Variants in SIRPA observed in about 807,000 individuals in gnomAD.
The protein encoded by SIRPA is tyrosine-protein phosphatase non-receptor type substrate 1.
SIRPA carries 9 observed loss-of-function variants against 50.3 expected under a neutral mutation model. That is an observed-to-expected ratio of 0.18 (90% CI 0.11 to 0.31). SIRPA has a LOEUF of 0.31. Among genes scored for constraint, SIRPA ranks in the 10% least tolerant of loss-of-function variants. The pLI is 1.00. For missense variants in SIRPA, 474 were observed against 661.6 expected, an observed-to-expected ratio of 0.72 and a Z score of 3.11; for synonymous variants, 265 against 284.1, an observed-to-expected ratio of 0.93 and a Z score of 0.68.
chr20:1,899,483 C>A (rs912932473), intron 1 of SIRPA, among the ~76,000 whole-genome samples: 1 of 152,192 alleles, frequency 6.6e-6, no homozygotes, highest in Non-Finnish European at 1.5e-5. Context: ...TTGTAGTATG[C>A]CCGTTAGCAT....
intron 1 of SIRPA, among the ~76,000 whole-genome samples, chr20:1,909,906 C>T (rs780479179): frequency 9.2e-5 from 14 of 152,210 alleles, no homozygotes; most frequent in Non-Finnish European, 5.9e-5. Context: ...TTTCTAAATC[C>T]CAGTGGTCAG....
chr20:1,895,548 A>G lies in SIRPA; in HGVS notation c.79+22A>G, dbSNP rs781759027. On this transcript the variant is annotated intron_variant, in intron 1 of 7. Transcript: ENST00000358771. ...TCAGGTAAGCACCCCCCCGCTCCCC[A>G]CCGCTGCACTCCCCAAACTGCGGGC... 6.3e-6 allele frequency: 9 copies of G among 1,417,914 alleles called. No individual in the cohort carries two copies. The South Asian group carries it at 1.2e-4, about 19-fold the overall frequency. The allele number at this position is 1,417,914 out of a possible 1,614,324, so 87.8% of individuals were successfully genotyped here.
At chr20:1,926,079 T>G (rs925356491) in intron 5 of SIRPA, among the ~76,000 whole-genome samples, 1 of 152,234 alleles carries the variant, frequency 6.6e-6, no homozygotes, top group African/African-American at 2.4e-5. Context: ...CATTGTACAC[T>G]AATCACGCAT....
At chr20:1,895,770 G>A (rs1286718145) in intron 1 of SIRPA, among the ~76,000 whole-genome samples, 1 of 152,226 alleles carries the variant, frequency 6.6e-6, no homozygotes, top group Non-Finnish European at 1.5e-5. Context: ...CTGACTCTGT[G>A]CACTGTGCTG....
In SIRPA at chr20:1,928,590, T is replaced by C. The variant is rs751510840; in HGVS notation, c.1226+691T>C. 1.3e-5 allele frequency among the ~76,000 whole-genome samples: 2 copies of C among 152,090 alleles called. No individual in the cohort carries two copies. Among genetic ancestry groups the C allele is most frequent in the Non-Finnish European group, 2.9e-5 (2 of 68,014 alleles). On this transcript the variant is annotated intron_variant, in intron 6 of 7. Transcript: ENST00000358771. The surrounding 1 kb of genome is among the most constrained non-coding windows in gnomAD (Gnocchi z 4.9). ...AAATAAAGTGATTCATGGTGTCATATCAGGTGGTGACAACTCCTACCCTGC... is the reference window on the plus strand; with the variant it reads ...AAATAAAGTGATTCATGGTGTCATACCAGGTGGTGACAACTCCTACCCTGC...
chr20:1,896,797 A>T (rs1378788125), intron 1 of SIRPA, among the ~76,000 whole-genome samples: 1 of 14,464 alleles, frequency 6.9e-5, no homozygotes, highest in South Asian at 2.7e-3. Context: ...CTCCACCCCC[A>T]GTTCTTTTCA....
At position 1,939,720 on chromosome 20, in the gene SIRPA, G is replaced by A. The variant is rs1568519910; in HGVS notation, c.*2152G>A. ...AACCTGGAGAATCCACATACCTTGT[G>A]TATTGAACCCCAGGAAAAGGAAGAG... is the stretch of plus-strand genomic sequence containing the variant. On this transcript the variant is annotated 3_prime_UTR_variant, in exon 8 of 8. Coordinates refer to ENST00000358771, the MANE Select transcript of SIRPA (RefSeq NM_001040023.2). This position sits in a 1 kb window ranked among gnomAD's most constrained non-coding sequence, Gnocchi z 4.7. 6.6e-6 allele frequency: 1 copy of A among 152,644 alleles called. No homozygotes were observed. The highest frequency in any genetic ancestry group is 6.5e-5 in the Admixed American group (1 of 15,290). 9.5% of individuals were successfully genotyped at this position (152,644 alleles called of 1,614,324 possible). A position where few individuals can be genotyped will look rare whatever the true frequency, so the allele number is the denominator to read the frequency against.
chr20:1,923,000 CCCCTGCCTCATCT>C (rs1414128811), intron 4 of SIRPA, among the ~76,000 whole-genome samples: 2 of 138,846 alleles, frequency 1.4e-5, no homozygotes, highest in African/African-American at 5.4e-5. Flanking sequence ...CTCTTTCTAG[CCCCTGCCTCATCT>C]CCCTGGCTGC....
At chr20:1,911,622 C>A (rs933674210) in intron 1 of SIRPA, among the ~76,000 whole-genome samples, 2 of 152,166 alleles carry the variant, frequency 1.3e-5, no homozygotes, top group Non-Finnish European at 2.9e-5. Context: ...AAACCTACTC[C>A]ATATCTGGGG....
intron 5 of SIRPA, among the ~76,000 whole-genome samples, chr20:1,926,942 C>G (rs972304386): frequency 6.6e-6 from 1 of 152,214 alleles, no homozygotes; most frequent in African/African-American, 2.4e-5. Flanking sequence ...GAGGAGTCAC[C>G]TAGTCTCTCT....
Position 1,934,880 on chromosome 20 carries a change from C to A in SIRPA, c.1266+126C>A. 9.8e-7 allele frequency: 1 copy of A among 1,022,594 alleles called. No individual in the cohort carries two copies. The highest frequency in any genetic ancestry group is 1.9e-5 in the Admixed American group (1 of 53,070). The allele number at this position is 1,022,594 out of a possible 1,614,324, so 63.3% of individuals were successfully genotyped here. A position where few individuals can be genotyped will look rare whatever the true frequency, so the allele number is the denominator to read the frequency against. On this transcript the variant is annotated intron_variant, in intron 7 of 7. Transcript: ENST00000358771. This position sits in a 1 kb window ranked among gnomAD's most constrained non-coding sequence, Gnocchi z 4.6. ...GGGGTGGAGGGTGGAGGATCTTACA[C>A]TCCTAGCTTTCCCCATGTCCTGTGC... is the stretch of plus-strand genomic sequence containing the variant.
chr20:1,899,486 G>A (rs776067724), intron 1 of SIRPA, among the ~76,000 whole-genome samples: 8 of 152,170 alleles, frequency 5.3e-5, no homozygotes, highest in Non-Finnish European at 8.8e-5. Context: ...TAGTATGCCC[G>A]TTAGCATGTG....
In SIRPA at chr20:1,928,632, A is replaced by C. The variant is rs1197728019; in HGVS notation, c.1226+733A>C. Among the ~76,000 whole-genome samples, 1 of 152,138 alleles carries C rather than the reference A, an allele frequency of 6.6e-6. No individual in the cohort carries two copies. Among genetic ancestry groups the C allele is most frequent in the Non-Finnish European group, 1.5e-5 (1 of 68,010 alleles). Reference sequence around the variant, plus strand: ...CTACCCTGCAAGGAGATGGAGGTGAATGGTGGGGGGCTGTCTTAGGCAGAG... The same window carrying C: ...CTACCCTGCAAGGAGATGGAGGTGACTGGTGGGGGGCTGTCTTAGGCAGAG... On this transcript the variant is annotated intron_variant, in intron 6 of 7. Transcript: ENST00000358771. The surrounding 1 kb of genome is among the most constrained non-coding windows in gnomAD (Gnocchi z 4.9).
intron 2 of SIRPA, among the ~76,000 whole-genome samples, chr20:1,916,169 T>C (rs1166886544): frequency 6.6e-6 from 1 of 151,858 alleles, no homozygotes; most frequent in Non-Finnish European, 1.5e-5. Context: ...AGGGAGGAGG[T>C]CTCCCTTCTA....
intron 2 of SIRPA, among the ~76,000 whole-genome samples, chr20:1,916,969 T>G (rs1985342033): frequency 1.3e-5 from 2 of 152,328 alleles, no homozygotes; most frequent in Non-Finnish European, 1.5e-5. Flanking sequence ...TTATCCTGAT[T>G]GTGCAGATGT....
Position 1,937,491 on chromosome 20 carries a change from C to T in SIRPA, c.1438C>T (p.Arg480Trp), listed in dbSNP as rs1425717852. The T allele has an allele frequency of 2.0e-5, 32 of 1,614,010 alleles. No homozygotes were observed. The highest frequency in any genetic ancestry group is 6.7e-5 in the Admixed American group (4 of 60,000). The change falls in exon 8 of 8, where the codon CGG becomes TGG. Residue 480 changes from arginine to tryptophan, a missense_variant. Around this residue, in one of 4 missense-constraint regions of SIRPA, gnomAD observed 180 missense variants for 206.7 expected, o/e 0.87. Transcript: ENST00000358771. This position sits in a 1 kb window ranked among gnomAD's most constrained non-coding sequence, Gnocchi z 8.3. ...TGACCTGGACATGGTCCACCTCAAC[C>T]GGACCCCCAAGCAGCCGGCCCCCAA... ...YADLDMVHLN[R>W]TPKQPAPKPE...
In SIRPA at chr20:1,915,103, G is replaced by A; in HGVS notation, c.84G>A (p.Val28=). The A allele has an allele frequency of 1.9e-6, 3 of 1,592,414 alleles. No homozygotes were observed. Among genetic ancestry groups the A allele is most frequent in the South Asian group, 1.1e-5 (1 of 87,424 alleles). Residue 28 remains valine, a synonymous_variant, in exon 2 of 8, where the codon GTG becomes GTA. Coordinates refer to ENST00000358771, the MANE Select transcript of SIRPA (RefSeq NM_001040023.2). ...CTGCTTTGTGCTCCTTTCCAGGAGTGGCGGGTGAGGAGGAGCTGCAGGTGA... is the reference window on the plus strand; with the variant it reads ...CTGCTTTGTGCTCCTTTCCAGGAGTAGCGGGTGAGGAGGAGCTGCAGGTGA... ...LLAASCAWSG[V]AGEEELQVIQ...
At chr20:1,906,864 T>C (rs1000626073) in intron 1 of SIRPA, among the ~76,000 whole-genome samples, 2 of 152,082 alleles carry the variant, frequency 1.3e-5, no homozygotes, top group Non-Finnish European at 2.9e-5. Flanking sequence ...TACTAACAGA[T>C]GGGTTGTGGA....
chr20:1,938,457 A>G lies in SIRPA; in HGVS notation c.*889A>G, dbSNP rs1986720901. 2 of 152,686 alleles carry G rather than the reference A, an allele frequency of 1.3e-5. No individual in the cohort carries two copies. The highest frequency in any genetic ancestry group is 2.4e-5 in the African/African-American group (1 of 41,450). The allele number at this position is 152,686 out of a possible 1,614,324, so 9.5% of individuals were successfully genotyped here. ...TGTTTTTTTTCTTAAAACAACAGCA[A>G]CGTGATCTTGGCTGTCTGTCATGTG... On this transcript the variant is annotated 3_prime_UTR_variant, in exon 8 of 8. Coordinates refer to ENST00000358771, the MANE Select transcript of SIRPA (RefSeq NM_001040023.2).
Sources: allele counts gnomAD v4.1 joint callset (sites outside exome capture counted in the v4.1 genomes callset), GRCh38; gene constraint gnomAD v4.1.1; regional missense constraint gnomAD v4.1.1; non-coding constraint Gnocchi (gnomAD v3.1); transcripts MANE v1.5; gene names NCBI Gene and HGNC (gene_info 2026-07-23, HGNC 2026-07-21).